The following LYRM4 variants were observed in gnomAD, a reference collection of about 807,000 sequenced individuals.
The protein encoded by LYRM4 is LYR motif-containing protein 4.
In LYRM4, 9 loss-of-function variants were observed where a neutral mutation model predicts 11.7. The observed-to-expected ratio is 0.77, with a 90% CI of 0.46 to 1.34. The LOEUF (loss-of-function observed/expected upper bound fraction) is 1.34, where lower values mean the gene tolerates loss of function less well. Ranked by LOEUF, LYRM4 falls within the 40% of genes most tolerant of loss-of-function variation. The probability of loss-of-function intolerance (pLI) is 0.00; values close to 1 mark genes in which losing one functional copy is unlikely to be tolerated. For missense variants in LYRM4, 133 were observed against 112.5 expected (o/e 1.18, Z -0.82); for synonymous variants, 42 against 40.4 (o/e 1.04, Z -0.15).
At chr6:5,203,809 G>C (rs1761534481) in intron 2 of LYRM4, among the ~76,000 whole-genome samples, 1 of 152,208 alleles carries the variant, frequency 6.6e-6, no homozygotes, top group Admixed American at 6.5e-5. Context: ...AGAAGCACAT[G>C]AAAGAAGAAC....
intron 2 of LYRM4, among the ~76,000 whole-genome samples, chr6:5,176,367 C>T (rs115493011): frequency 3.2e-3 from 494 of 152,200 alleles, no homozygotes; most frequent in Non-Finnish European, 5.0e-3. Context: ...CTGGCCTACG[C>T]TATTAAATTT....
chr6:5,200,438 C>G (rs1761322230), intron 2 of LYRM4, among the ~76,000 whole-genome samples: 1 of 152,118 alleles, frequency 6.6e-6, no homozygotes, highest in African/African-American at 2.4e-5. Flanking sequence ...CTCTACTCCA[C>G]CGGGTGGAAG....
At chr6:5,163,605 C>T (rs898854826) in intron 2 of LYRM4, among the ~76,000 whole-genome samples, 1 of 144,480 alleles carries the variant, frequency 6.9e-6, no homozygotes, top group Non-Finnish European at 1.5e-5. Flanking sequence ...ATTTGCTAGT[C>T]CCAGGACTGC....
At chr6:5,215,509 CT>C (rs1398457261) in intron 2 of LYRM4, among the ~76,000 whole-genome samples, 3 of 152,168 alleles carry the variant, frequency 2.0e-5, no homozygotes, top group African/African-American at 7.2e-5. Flanking sequence ...TACTAAATAG[CT>C]GTAGAACTCA....
intron 2 of LYRM4, among the ~76,000 whole-genome samples, chr6:5,161,707 T>C (rs1018056629): frequency 6.6e-6 from 1 of 152,166 alleles, no homozygotes; most frequent in Non-Finnish European, 1.5e-5. Flanking sequence ...ACATTTCTCA[T>C]TGGAGGAGGC....
At chr6:5,260,266 C>T (rs997613276) in intron 1 of LYRM4, among the ~76,000 whole-genome samples, 2 of 152,248 alleles carry the variant, frequency 1.3e-5, no homozygotes, top group Non-Finnish European at 2.9e-5. Context: ...ACTCTCAACT[C>T]TTCCAGTGCT....
At chr6:5,087,927 G>A in the LYRM4 span, 45 of 152,288 alleles carry the variant, frequency 3.0e-4, no homozygotes, top group African/African-American at 1.1e-3. Context: ...AGTACAGTCA[G>A]TCGTTTTAGG....
At chr6:5,212,222 G>A (rs1762020994) in intron 2 of LYRM4, among the ~76,000 whole-genome samples, 1 of 152,224 alleles carries the variant, frequency 6.6e-6, no homozygotes, top group Non-Finnish European at 1.5e-5. Flanking sequence ...GCAAACTGCA[G>A]AGCTACAATA....
Position 5,245,106 on chromosome 6 carries a change from AAAAAAAAATATATATATATATATAT to A in LYRM4, c.86+15517_86+15541del, listed in dbSNP as rs1265520090. ...GAAGACCTTAAAAAAAAAAAAAAAAAAAAAAAAATATATATATATATATATATATATATATATATATATATATATA... is the reference window on the plus strand; with the variant it reads ...GAAGACCTTAAAAAAAAAAAAAAAAAATATATATATATATATATATATATA... On this transcript the variant is annotated intron_variant, in intron 1 of 2. Coordinates refer to ENST00000330636, the MANE Select transcript of LYRM4 (RefSeq NM_020408.6). 9.7e-4 allele frequency among the ~76,000 whole-genome samples: 51 copies of A among 52,414 alleles called. 4 individuals carry two copies. The highest frequency in any genetic ancestry group is 3.4e-3 in the African/African-American group (43 of 12,630). 34.4% of individuals were successfully genotyped at this position (52,414 alleles called of 152,430 possible). A position where few individuals can be genotyped will look rare whatever the true frequency, so the allele number is the denominator to read the frequency against.
chr6:5,255,762 G>A (rs1050779436), intron 1 of LYRM4, among the ~76,000 whole-genome samples: 3 of 151,932 alleles, frequency 2.0e-5, no homozygotes, highest in Non-Finnish European at 4.4e-5. Context: ...CTAATTCTTT[G>A]TTAATGGGGG....
At chr6:5,090,418 T>C in the LYRM4 span, among the ~76,000 whole-genome samples, 1 of 152,040 alleles carries the variant, frequency 6.6e-6, no homozygotes, top group African/African-American at 2.4e-5. This position sits in a 1 kb window ranked among gnomAD's most constrained non-coding sequence, Gnocchi z 4.8. Context: ...AAGACTTAAC[T>C]AGGGAGGGTA....
At chr6:5,222,066 G>C (rs1762614063) in intron 1 of LYRM4, among the ~76,000 whole-genome samples, 1 of 152,176 alleles carries the variant, frequency 6.6e-6, no homozygotes, top group Non-Finnish European at 1.5e-5. Context: ...CACGGACTCT[G>C]GGTATATAAC....
the LYRM4 span, among the ~76,000 whole-genome samples, chr6:5,077,175 A>G: frequency 6.6e-6 from 1 of 152,220 alleles, no homozygotes; most frequent in Non-Finnish European, 1.5e-5. Context: ...CCATTAGGGC[A>G]GGTCAGCCAC....
chr6:5,156,561 G>A (rs1430868017), intron 2 of LYRM4, among the ~76,000 whole-genome samples: 1 of 152,224 alleles, frequency 6.6e-6, no homozygotes, highest in Non-Finnish European at 1.5e-5. Context: ...TGGAATGGCC[G>A]GGGCTGCCCG....
At chr6:5,064,253 AG>A in the LYRM4 span, among the ~76,000 whole-genome samples, 1 of 152,280 alleles carries the variant, frequency 6.6e-6, no homozygotes, top group Non-Finnish European at 1.5e-5. Context: ...CTTCCCACCT[AG>A]CCCGGAAAAG....
the LYRM4 span, among the ~76,000 whole-genome samples, chr6:5,064,719 A>T: frequency 1.3e-5 from 2 of 152,136 alleles, no homozygotes; most frequent in Non-Finnish European, 2.9e-5. Context: ...TATTATTTTT[A>T]GTTGAAACAC....
the LYRM4 span, among the ~76,000 whole-genome samples, chr6:5,045,105 C>T: frequency 1.4e-4 from 21 of 152,300 alleles, no homozygotes; most frequent in African/African-American, 5.1e-4. Flanking sequence ...TGTAACAAAC[C>T]ACCTCAACAT....
At chr6:5,038,171 A>T in the LYRM4 span, among the ~76,000 whole-genome samples, 2 of 29,170 alleles carry the variant, frequency 6.9e-5, no homozygotes, top group African/African-American at 9.4e-5. Context: ...CCAGACAGGG[A>T]GGCGGGGCAG....
chr6:5,145,235 C>T (rs944017555), intron 2 of LYRM4, among the ~76,000 whole-genome samples: 1 of 152,180 alleles, frequency 6.6e-6, no homozygotes, highest in Non-Finnish European at 1.5e-5. Context: ...CCATTTGCTC[C>T]CCACACCTGG....
Sources: allele counts gnomAD v4.1 joint callset (sites outside exome capture counted in the v4.1 genomes callset), GRCh38; gene constraint gnomAD v4.1.1; non-coding constraint Gnocchi (gnomAD v3.1); transcripts MANE v1.5; gene names NCBI Gene and HGNC (gene_info 2026-07-23, HGNC 2026-07-21).